The following ABI1 variants were observed in gnomAD, a reference collection of about 807,000 sequenced individuals.
ABI1 encodes Abelson interactor 1.
Under a neutral mutation model 54.6 loss-of-function variants are expected in ABI1, and 14 were observed. The observed-to-expected ratio is 0.26, with a 90% CI of 0.17 to 0.40. The LOEUF is 0.40. Ranked by LOEUF, ABI1 falls within the 10% of genes least tolerant of loss-of-function variation. The pLI is 1.00. For synonymous variants in ABI1, 194 were observed against 209.3 expected (o/e 0.93, Z 0.63); for missense variants, 443 against 598.3 (o/e 0.74, Z 2.71).
rs75946184 is a variant in ABI1, at chr10:26,816,327, G to C, written c.285+6811C>G. Among the ~76,000 whole-genome samples the C allele has an allele frequency of 6.9e-3, 1,045 of 152,316 alleles. 10 individuals are homozygous for C. The highest frequency in any genetic ancestry group is 0.024 in the African/African-American group (984 of 41,568). On this transcript the variant is annotated intron_variant, in intron 2 of 10. Transcript: ENST00000376140. ...GGAATGCTAACATTGCTGCCATTCAGGAGACTACAGATATGCAGCCAGAAG... is the reference window on the plus strand; with the variant it reads ...GGAATGCTAACATTGCTGCCATTCACGAGACTACAGATATGCAGCCAGAAG...
intron 1 of ABI1, among the ~76,000 whole-genome samples, chr10:26,856,933 A>G (rs1294425326): frequency 2.0e-5 from 3 of 152,182 alleles, no homozygotes; most frequent in Non-Finnish European, 2.9e-5. Flanking sequence ...GTGTGTTCAA[A>G]TTAAGCACTG....
At chr10:26,854,643 C>G (rs979974742) in intron 1 of ABI1, among the ~76,000 whole-genome samples, 1 of 152,124 alleles carries the variant, frequency 6.6e-6, no homozygotes, top group African/African-American at 2.4e-5. Context: ...ATTTACATTT[C>G]CAACCTACAT....
intron 2 of ABI1, among the ~76,000 whole-genome samples, chr10:26,777,946 T>G (rs1006782474): frequency 6.6e-6 from 1 of 152,000 alleles, no homozygotes; most frequent in East Asian, 1.9e-4. Context: ...CATTCAAAAT[T>G]ACTATAAAGG....
At chr10:26,841,004 T>C (rs931369803) in intron 1 of ABI1, among the ~76,000 whole-genome samples, 3 of 152,214 alleles carry the variant, frequency 2.0e-5, no homozygotes, top group Non-Finnish European at 2.9e-5. Flanking sequence ...TCAGGCCAAA[T>C]ACTTCTCCCC....
At position 26,808,200 on chromosome 10, in the gene ABI1, C is replaced by G. The variant is rs146861290; in HGVS notation, c.285+14938G>C. Among the ~76,000 whole-genome samples the G allele has an allele frequency of 1.5e-3, 231 of 152,226 alleles. 3 individuals are homozygous for G. The highest frequency in any genetic ancestry group is 5.4e-3 in the African/African-American group (223 of 41,542). ...TGCTATTAGTTGTTCTTCAGGTACT[C>G]TTTGTTTTTTATATTTTGTTCAGAG... is the stretch of plus-strand genomic sequence containing the variant. On this transcript the variant is annotated intron_variant, in intron 2 of 10. Coordinates refer to ENST00000376140, the MANE Select transcript of ABI1 (RefSeq NM_001012750.3).
intron 1 of ABI1, among the ~76,000 whole-genome samples, chr10:26,857,194 A>G (rs1282932792): frequency 6.6e-6 from 1 of 151,690 alleles, no homozygotes; most frequent in Admixed American, 6.6e-5. Flanking sequence ...GGTGGTGGGC[A>G]CCTATAATCC....
At chr10:26,812,960 A>G (rs945261854) in intron 2 of ABI1, among the ~76,000 whole-genome samples, 10 of 152,168 alleles carry the variant, frequency 6.6e-5, no homozygotes, top group Non-Finnish European at 1.2e-4. Flanking sequence ...GTTAAAATTC[A>G]TGAAATGGCC....
At chr10:26,768,542 A>C (rs1337266235) in intron 6 of ABI1, among the ~76,000 whole-genome samples, 1 of 152,126 alleles carries the variant, frequency 6.6e-6, no homozygotes, top group Non-Finnish European at 1.5e-5. Flanking sequence ...CCGTCACAAA[A>C]AAAAAAAGAA....
At chr10:26,767,016 T>C (rs1840046964) in intron 6 of ABI1, among the ~76,000 whole-genome samples, 1 of 152,078 alleles carries the variant, frequency 6.6e-6, no homozygotes, top group African/African-American at 2.4e-5. Flanking sequence ...ATATTGACAA[T>C]CTGGCCCTTT....
At chr10:26,826,320 T>A (rs1039193411) in intron 1 of ABI1, among the ~76,000 whole-genome samples, 2 of 152,252 alleles carry the variant, frequency 1.3e-5, no homozygotes, top group Admixed American at 1.3e-4. Flanking sequence ...ATATTTTGAA[T>A]GGAATCTTTT....
At chr10:26,769,022 T>C in intron 5 of ABI1, 30 bp from the exon 6 acceptor site, 1 of 1,518,888 alleles carries the variant, frequency 6.6e-7, no homozygotes, top group East Asian at 2.4e-5. Flanking sequence ...AAAGGAATAA[T>C]GAATAAAAAA....
intron 1 of ABI1, among the ~76,000 whole-genome samples, chr10:26,844,547 G>A (rs2049828428): frequency 6.6e-6 from 1 of 152,016 alleles, no homozygotes; most frequent in Non-Finnish European, 1.5e-5. Flanking sequence ...TCCCTGTTCT[G>A]CCCACGCAGC....
At chr10:26,791,012 A>C (rs1162184612) in intron 2 of ABI1, among the ~76,000 whole-genome samples, 4 of 144,566 alleles carry the variant, frequency 2.8e-5, no homozygotes, top group Non-Finnish European at 6.0e-5. Flanking sequence ...TCAAGGCTGC[A>C]GTGAGCCACA....
intron 1 of ABI1, among the ~76,000 whole-genome samples, chr10:26,837,677 T>C (rs2049181123): frequency 6.6e-6 from 1 of 152,176 alleles, no homozygotes; most frequent in East Asian, 1.9e-4. Context: ...AGTGGTGCAA[T>C]CCATCTCAGC....
intron 7 of ABI1, among the ~76,000 whole-genome samples, chr10:26,763,234 C>T (rs1028228351): frequency 6.6e-6 from 1 of 152,148 alleles, no homozygotes; most frequent in Non-Finnish European, 1.5e-5. Flanking sequence ...ATTTGAAACA[C>T]CTCATTATCC....
chr10:26,853,626 G>A (rs991884942), intron 1 of ABI1, among the ~76,000 whole-genome samples: 2 of 147,962 alleles, frequency 1.4e-5, no homozygotes, highest in South Asian at 2.2e-4. Flanking sequence ...TGCAAGCTCC[G>A]CCTCCGGGTT....
intron 8 of ABI1, among the ~76,000 whole-genome samples, chr10:26,756,260 G>T (rs1838293100): frequency 6.6e-6 from 1 of 151,930 alleles, no homozygotes; most frequent in African/African-American, 2.4e-5. Context: ...ATTAATCACA[G>T]GTTTCCTTTA....
chr10:26,784,976 T>A (rs1842563716), intron 2 of ABI1, among the ~76,000 whole-genome samples: 1 of 152,210 alleles, frequency 6.6e-6, no homozygotes, highest in Non-Finnish European at 1.5e-5. Context: ...CTCTCTTAGG[T>A]AGACCCTAAA....
At chr10:26,828,960 C>T (rs997095164) in intron 1 of ABI1, among the ~76,000 whole-genome samples, 2 of 152,188 alleles carry the variant, frequency 1.3e-5, no homozygotes, top group African/African-American at 2.4e-5. Context: ...GGCGCGGTGG[C>T]TCACGCCTGT....
Sources: gnomAD v4.1 joint callset for allele counts (sites outside exome capture counted in the v4.1 genomes callset) on GRCh38, gnomAD v4.1.1 for gene constraint, MANE v1.5 for transcripts, NCBI Gene and HGNC (gene_info 2026-07-23, HGNC 2026-07-21) for gene names.